The following RNF150 variants were observed in gnomAD, a reference collection of about 807,000 sequenced individuals.
RNF150 encodes the protein ring finger protein 150.
Under a neutral mutation model 39.3 loss-of-function variants are expected in RNF150, and 24 were observed. That is an observed-to-expected ratio of 0.61 (90% CI 0.44 to 0.86). RNF150 has a LOEUF of 0.86. Among genes scored for constraint, RNF150 ranks in the 40% least tolerant of loss-of-function variants. The pLI, the probability that RNF150 is intolerant of heterozygous loss-of-function variation, is 0.00. For missense variants in RNF150, 502 were observed against 587.8 expected (o/e 0.85, Z 1.51); for synonymous variants, 255 against 227.3 (o/e 1.12, Z -1.10).
chr4:140,999,521 T>G (rs996722932), intron 1 of RNF150, among the ~76,000 whole-genome samples: 2 of 152,180 alleles, frequency 1.3e-5, no homozygotes, highest in Non-Finnish European at 2.9e-5. Context: ...ATTTCTTTAA[T>G]GACAATGAAG....
intron 1 of RNF150, among the ~76,000 whole-genome samples, chr4:141,052,916 C>T (rs17006836): frequency 0.053 from 8,116 of 152,106 alleles, 266 homozygotes; most frequent in East Asian, 0.16. Context: ...TGGCAATTTC[C>T]ACCATTTGGT....
At chr4:141,140,777 C>T (rs1255337506) in intron 1 of RNF150, among the ~76,000 whole-genome samples, 1 of 152,172 alleles carries the variant, frequency 6.6e-6, no homozygotes, top group African/African-American at 2.4e-5. Context: ...AATCCAGGCC[C>T]TCTTCCTGCC....
intron 1 of RNF150, among the ~76,000 whole-genome samples, chr4:140,977,317 G>T (rs948621044): frequency 6.6e-6 from 1 of 152,100 alleles, no homozygotes; most frequent in East Asian, 1.9e-4. Flanking sequence ...AGTCACTACT[G>T]CTCAGGTAGG....
chr4:141,164,237 TGAA>T (rs1018908258), intron 1 of RNF150, among the ~76,000 whole-genome samples: 3 of 146,554 alleles, frequency 2.0e-5, no homozygotes, highest in African/African-American at 7.6e-5. Context: ...AAAAAAAACA[TGAA>T]GACAAGATTA....
At chr4:140,894,734 G>A (rs961026292) in intron 6 of RNF150, among the ~76,000 whole-genome samples, 4 of 152,136 alleles carry the variant, frequency 2.6e-5, no homozygotes, top group African/African-American at 9.7e-5. Context: ...AGGTACTGCT[G>A]AATAGATCTT....
chr4:140,897,646 T>C (rs1730013206), intron 6 of RNF150, among the ~76,000 whole-genome samples: 1 of 152,062 alleles, frequency 6.6e-6, no homozygotes, highest in Non-Finnish European at 1.5e-5. Context: ...TATAAAAGAG[T>C]GATAATTGTA....
chr4:141,086,082 C>T (rs1738355275), intron 1 of RNF150, among the ~76,000 whole-genome samples: 1 of 150,652 alleles, frequency 6.6e-6, no homozygotes, highest in Non-Finnish European at 1.5e-5. Context: ...TTCTAGGTGC[C>T]AGTGGCAAGC....
At chr4:140,943,156 G>A (rs1172907440) in intron 4 of RNF150, among the ~76,000 whole-genome samples, 7 of 152,168 alleles carry the variant, frequency 4.6e-5, no homozygotes, top group Non-Finnish European at 8.8e-5. Flanking sequence ...AGGGTCTTTG[G>A]TCAGTTTATG....
At chr4:140,949,136 A>G (rs1209728015) in intron 3 of RNF150, among the ~76,000 whole-genome samples, 165 bp downstream of exon 3, 1 of 152,196 alleles carries the variant, frequency 6.6e-6, no homozygotes, top group Non-Finnish European at 1.5e-5. Context: ...ATTTTATAAC[A>G]AACTTCATGT....
At chr4:140,961,095 C>A (rs1025062743) in intron 2 of RNF150, among the ~76,000 whole-genome samples, 21 of 152,220 alleles carry the variant, frequency 1.4e-4, no homozygotes, top group African/African-American at 4.8e-4. Flanking sequence ...TACCCTCTAC[C>A]AGATTTAACT....
chr4:140,925,115 G>A (rs968185769), intron 5 of RNF150, among the ~76,000 whole-genome samples: 1 of 152,216 alleles, frequency 6.6e-6, no homozygotes, highest in Non-Finnish European at 1.5e-5. Flanking sequence ...CTGAGGGGGA[G>A]CTGGCATCTG....
intron 6 of RNF150, among the ~76,000 whole-genome samples, chr4:140,895,377 A>G (rs867911217): frequency 5.9e-5 from 9 of 152,356 alleles, no homozygotes; most frequent in Middle Eastern, 3.4e-3. Flanking sequence ...CTATGCATCA[A>G]TGTAAGTCAA....
intron 1 of RNF150, among the ~76,000 whole-genome samples, chr4:141,202,415 C>G (rs964131765): frequency 3.3e-5 from 5 of 152,030 alleles, no homozygotes; most frequent in African/African-American, 1.2e-4. Context: ...TTAAACATAA[C>G]CAGAGTTCAG....
chr4:140,987,889 C>T (rs927754448), intron 1 of RNF150, among the ~76,000 whole-genome samples: 1 of 152,058 alleles, frequency 6.6e-6, no homozygotes. Flanking sequence ...CCACAATCTA[C>T]AAGGAACTTA....
At chr4:141,195,817 T>C (rs1484709749) in intron 1 of RNF150, among the ~76,000 whole-genome samples, 2 of 152,198 alleles carry the variant, frequency 1.3e-5, no homozygotes, top group Non-Finnish European at 2.9e-5. Flanking sequence ...ATTGATAAAG[T>C]CGAAACATGC....
At chr4:141,042,436 A>G (rs1736405605) in intron 1 of RNF150, among the ~76,000 whole-genome samples, 1 of 152,130 alleles carries the variant, frequency 6.6e-6, no homozygotes, top group Admixed American at 6.6e-5. Context: ...AAAGCTGGCT[A>G]CATTCTAAAA....
At chr4:141,164,761 A>C (rs930916854) in intron 1 of RNF150, among the ~76,000 whole-genome samples, 8 of 152,258 alleles carry the variant, frequency 5.3e-5, no homozygotes, top group African/African-American at 1.9e-4. Flanking sequence ...ATGATGAGAC[A>C]TTTTGTCACC....
In RNF150 at chr4:140,911,172, C is replaced by T. The variant is rs1165887287; in HGVS notation, c.1170G>A (p.Gln390=). The T allele has an allele frequency of 2.5e-6, 4 of 1,614,118 alleles. No individual in the cohort carries two copies. The highest frequency in any genetic ancestry group is 3.4e-6 in the Non-Finnish European group (4 of 1,179,984). ...QVVQDTDPIP[Q]EGDVIFTTNS... The stretch of plus-strand genomic sequence containing the variant: ...TAGTAGTAAAGATGACGTCTCCCTC[C>T]TGGGGGATGGGGTCTGTATCCTGGA... The change falls in exon 6 of 7, where the codon CAG becomes CAA. Residue 390 remains glutamine, a synonymous_variant. Transcript: ENST00000515673.
At chr4:140,978,150 A>C (rs1477674730) in intron 1 of RNF150, among the ~76,000 whole-genome samples, 2 of 152,170 alleles carry the variant, frequency 1.3e-5, no homozygotes, top group African/African-American at 4.8e-5. Context: ...ATTTCTCCAG[A>C]AGACCTGCAA....
Sources: allele counts gnomAD v4.1 joint callset (sites outside exome capture counted in the v4.1 genomes callset), GRCh38; gene constraint gnomAD v4.1.1; transcripts MANE v1.5; gene names NCBI Gene and HGNC (gene_info 2026-07-23, HGNC 2026-07-21).